The following SLC35F3 variants were observed in gnomAD, a reference collection of about 807,000 sequenced individuals.
SLC35F3 encodes solute carrier family 35 member F3, also known as putative thiamine transporter SLC35F3.
A neutral mutation model predicts 49.9 loss-of-function variants in SLC35F3; 25 were observed. That is an observed-to-expected ratio of 0.50 (90% CI 0.37 to 0.70). SLC35F3 has a LOEUF of 0.70. Ranked by LOEUF, SLC35F3 falls within the 30% of genes least tolerant of loss-of-function variation. The pLI is 0.00. For synonymous variants in SLC35F3, 275 were observed against 265.4 expected (o/e 1.04, Z -0.35); for missense variants, 525 against 639.8 (o/e 0.82, Z 1.94).
intron 2 of SLC35F3, among the ~76,000 whole-genome samples, chr1:233,925,530 G>A (rs933427647): frequency 6.6e-6 from 1 of 151,836 alleles, no homozygotes; most frequent in Non-Finnish European, 1.5e-5. Flanking sequence ...ATGTGTGTCT[G>A]CACATGAGAT....
rs1572131073 is a variant in SLC35F3 at position 234,277,612 on chromosome 1, A to T, written c.609-31489A>T. On this transcript the variant is annotated intron_variant, in intron 3 of 7. Coordinates refer to ENST00000366618, the MANE Select transcript of SLC35F3 (RefSeq NM_173508.4). ...TAGCCCAAAGTCTTATGAAATGCTA[A>T]CTGAACTTTACTAAAGAAAATACAC... 2.6e-5 allele frequency among the ~76,000 whole-genome samples: 4 copies of T among 152,322 alleles called. 1 individual carries two copies. Among genetic ancestry groups the T allele is most frequent in the Admixed American group, 2.6e-4 (4 of 15,306 alleles).
At position 234,004,684 on chromosome 1, in the gene SLC35F3, C is replaced by T. The variant is rs114763524; in HGVS notation, c.283+98926C>T. ...AATTACAGCTCTTCATAAAGGCAAA[C>T]TGCTTTTCTAACCATACTTATCAAA... On this transcript the variant is annotated intron_variant, in intron 2 of 7. Transcript: ENST00000366618. Among the ~76,000 whole-genome samples the T allele has an allele frequency of 2.3e-3, 348 of 152,196 alleles. 1 individual carries two copies. Among genetic ancestry groups the T allele is most frequent in the African/African-American group, 8.1e-3 (338 of 41,538 alleles).
At chr1:234,039,500 T>C (rs1418696720) in intron 2 of SLC35F3, among the ~76,000 whole-genome samples, 1 of 152,108 alleles carries the variant, frequency 6.6e-6, no homozygotes, top group African/African-American at 2.4e-5. Flanking sequence ...ACTGTATTCA[T>C]TGATTAGTAG....
chr1:234,239,078 G>T (rs1278811689), intron 3 of SLC35F3, among the ~76,000 whole-genome samples: 2 of 152,184 alleles, frequency 1.3e-5, no homozygotes, highest in Admixed American at 1.3e-4. Flanking sequence ...ATGCGGTCAT[G>T]ATACCTGAGG....
intron 2 of SLC35F3, among the ~76,000 whole-genome samples, chr1:234,216,582 C>T (rs1451157311): frequency 6.6e-6 from 1 of 152,252 alleles, no homozygotes; most frequent in Non-Finnish European, 1.5e-5. Flanking sequence ...CACCTGCTAA[C>T]GCCAGCAGCT....
intron 3 of SLC35F3, among the ~76,000 whole-genome samples, chr1:234,255,153 TAAAAC>T (rs1284439052): frequency 1.3e-5 from 2 of 152,046 alleles, no homozygotes; most frequent in Non-Finnish European, 2.9e-5. Flanking sequence ...AGAGAACCCT[TAAAAC>T]TAAACTACAT....
At chr1:234,102,856 G>A (rs1665233597) in intron 2 of SLC35F3, among the ~76,000 whole-genome samples, 1 of 152,166 alleles carries the variant, frequency 6.6e-6, no homozygotes, top group Non-Finnish European at 1.5e-5. Flanking sequence ...ACACACAGAT[G>A]GCTAACCAAG....
At chr1:234,026,717 C>CA (rs11385502) in intron 2 of SLC35F3, 18,758 of 141,854 alleles carry the variant, frequency 0.13, 3,295 homozygotes, top group African/African-American at 0.41. Flanking sequence ...ACCTTGGCTC[C>CA]AAAAAAAAAA....
intron 2 of SLC35F3, among the ~76,000 whole-genome samples, chr1:233,991,324 C>T (rs1173744374): frequency 1.3e-5 from 2 of 152,268 alleles, no homozygotes; most frequent in East Asian, 3.9e-4. Context: ...TTCCCAAATA[C>T]ACTTTGTGAT....
chr1:233,980,157 TGAAGGATGAGGAGGACTTTGGTGTTGG>T (rs1663157460), intron 2 of SLC35F3, among the ~76,000 whole-genome samples: 2 of 152,204 alleles, frequency 1.3e-5, no homozygotes, highest in African/African-American at 2.4e-5. Context: ...AATATGCCCT[TGAAGGATGAGGAGGACTTTGGTGTTGG>T]GAAGAATGAG....
chr1:234,005,668 A>G (rs556379796), intron 2 of SLC35F3, among the ~76,000 whole-genome samples: 264 of 152,328 alleles, frequency 1.7e-3, no homozygotes, highest in African/African-American at 5.9e-3. Context: ...ATGCATATCT[A>G]TGTTGTTGCT....
chr1:234,171,953 C>T (rs985988014), intron 2 of SLC35F3, among the ~76,000 whole-genome samples: 3 of 151,950 alleles, frequency 2.0e-5, no homozygotes, highest in African/African-American at 7.3e-5. Flanking sequence ...ATCCCCCTCA[C>T]CCCCCACCGC....
chr1:233,955,940 T>C (rs895659647), intron 2 of SLC35F3, among the ~76,000 whole-genome samples: 3 of 132,970 alleles, frequency 2.3e-5, no homozygotes, highest in African/African-American at 6.0e-5. Flanking sequence ...CAGGCTGGAG[T>C]GCAGTGGCGT....
At chr1:234,050,628 G>T (rs566860159) in intron 2 of SLC35F3, among the ~76,000 whole-genome samples, 2 of 152,288 alleles carry the variant, frequency 1.3e-5, no homozygotes, top group Admixed American at 1.3e-4. Flanking sequence ...CTGTGCAGAA[G>T]CTCTTTAGTT....
intron 2 of SLC35F3, among the ~76,000 whole-genome samples, chr1:234,158,740 C>T (rs866297899): frequency 6.6e-6 from 1 of 152,172 alleles, no homozygotes; most frequent in Non-Finnish European, 1.5e-5. Flanking sequence ...TTAAGACGTT[C>T]CCTGTATTTT....
Position 234,231,270 on chromosome 1 carries a change from C to T in SLC35F3, c.284-147C>T, listed in dbSNP as rs952542153. 5 of 646,842 alleles carry T rather than the reference C, an allele frequency of 7.7e-6. No homozygotes were observed. The highest frequency in any genetic ancestry group is 3.1e-5 in the Admixed American group (1 of 31,746). The allele number at this position is 646,842 out of a possible 1,614,324, so 40.1% of individuals were successfully genotyped here. A position where few individuals can be genotyped will look rare whatever the true frequency, so the allele number is the denominator to read the frequency against. ...CGTTTTCTATTGCAGCTTGCTGTCA[C>T]ACAGCCGCCCTGGAAGCCGCCCCTG... On this transcript the variant is annotated intron_variant, in intron 2 of 7. Coordinates refer to ENST00000366618, the MANE Select transcript of SLC35F3 (RefSeq NM_173508.4). This position sits in a 1 kb window ranked among gnomAD's most constrained non-coding sequence, Gnocchi z 5.4.
At chr1:233,927,961 A>T (rs1162511784) in intron 2 of SLC35F3, among the ~76,000 whole-genome samples, 5 of 152,300 alleles carry the variant, frequency 3.3e-5, no homozygotes, top group South Asian at 2.1e-4. Flanking sequence ...TAACTTTCAA[A>T]TTTATTATGG....
Position 234,297,985 on chromosome 1 carries a change from C to A in SLC35F3, c.609-11116C>A, listed in dbSNP as rs182890553. The stretch of plus-strand genomic sequence containing the variant: ...ATGTTAAGTGTTCTTAACACACACA[C>A]AAAAAAAGAGGGCTGAGGCAACTTT... On this transcript the variant is annotated intron_variant, in intron 3 of 7. Transcript: ENST00000366618. 2.8e-3 allele frequency among the ~76,000 whole-genome samples: 433 copies of A among 152,018 alleles called. 2 individuals carry two copies. Among genetic ancestry groups the A allele is most frequent in the South Asian group, 0.01 (50 of 4,816 alleles).
At chr1:234,237,736 T>TC (rs1667497834) in intron 3 of SLC35F3, among the ~76,000 whole-genome samples, 1 of 152,220 alleles carries the variant, frequency 6.6e-6, no homozygotes, top group Non-Finnish European at 1.5e-5. Context: ...CAGCACCTTC[T>TC]CTGTCTCAGG....
Sources: gnomAD v4.1 joint callset for allele counts (sites outside exome capture counted in the v4.1 genomes callset) on GRCh38, gnomAD v4.1.1 for gene constraint, Gnocchi (gnomAD v3.1) non-coding constraint, MANE v1.5 for transcripts, NCBI Gene and HGNC (gene_info 2026-07-23, HGNC 2026-07-21) for gene names.